The following SEMA3E variants were observed in gnomAD, a reference collection of about 807,000 sequenced individuals.
The protein encoded by SEMA3E is semaphorin-3E.
A neutral mutation model predicts 93.6 loss-of-function variants in SEMA3E; 49 were observed. The observed-to-expected ratio is 0.52, with a 90% CI of 0.42 to 0.66. SEMA3E has a LOEUF of 0.66. SEMA3E is among the 30% of genes least tolerant of loss of function. The pLI is 0.00. For synonymous variants in SEMA3E, 363 were observed against 330.7 expected (o/e 1.10, Z -1.06); for missense variants, 906 against 964.8 (o/e 0.94, Z 0.81).
In SEMA3E at chr7:83,464,903, T is replaced by C. The variant is rs559170516; in HGVS notation, c.456+1579A>G. On this transcript the variant is annotated intron_variant, in intron 4 of 16. Coordinates refer to ENST00000643230, the MANE Select transcript of SEMA3E (RefSeq NM_012431.3). Reference sequence around the variant, plus strand: ...TCGCCGCCCCAACACTTCAACACTATTTTATTTTTCTTATTAATATAAGAA... The same window carrying C: ...TCGCCGCCCCAACACTTCAACACTACTTTATTTTTCTTATTAATATAAGAA... Among the ~76,000 whole-genome samples, 212 of 151,360 alleles carry C rather than the reference T, an allele frequency of 1.4e-3. 1 individual carries two copies. The highest frequency in any genetic ancestry group is 2.5e-3 in the Non-Finnish European group (167 of 67,878).
intron 1 of SEMA3E, among the ~76,000 whole-genome samples, chr7:83,617,464 A>G (rs1230717061): frequency 7.3e-6 from 1 of 136,178 alleles, no homozygotes; most frequent in Non-Finnish European, 1.6e-5. Context: ...TAAATAATAT[A>G]TAATTTTATA....
At chr7:83,544,685 A>G (rs970365103) in intron 1 of SEMA3E, among the ~76,000 whole-genome samples, 2 of 152,140 alleles carry the variant, frequency 1.3e-5, no homozygotes, top group East Asian at 1.9e-4. Flanking sequence ...CCCTAAAGAC[A>G]TGTTGCCTAT....
chr7:83,555,508 T>C (rs1177439591), intron 1 of SEMA3E, among the ~76,000 whole-genome samples: 2 of 152,206 alleles, frequency 1.3e-5, no homozygotes, highest in Admixed American at 6.6e-5. Flanking sequence ...CTACTCTCTA[T>C]GCTATTCATC....
Position 83,449,897 on chromosome 7 carries a change from T to C in SEMA3E, c.456+16585A>G, listed in dbSNP as rs1240338749. Among the ~76,000 whole-genome samples the C allele has an allele frequency of 2.6e-5, 4 of 152,176 alleles. No homozygotes were observed. The East Asian group carries it at 5.8e-4, about 22-fold the overall frequency. On this transcript the variant is annotated intron_variant, in intron 4 of 16. Transcript: ENST00000643230. ...CTGATTATTTTCTGTATGCTGAGTA[T>C]TGAATTGGATATTTTATACTTGCTC...
intron 16 of SEMA3E, among the ~76,000 whole-genome samples, chr7:83,376,500 G>A (rs1380316996): frequency 6.6e-6 from 1 of 151,848 alleles, no homozygotes; most frequent in Non-Finnish European, 1.5e-5. Context: ...TAGAAACTTA[G>A]CACAGAGGCA....
At chr7:83,636,532 G>A (rs1793885583) in intron 1 of SEMA3E, among the ~76,000 whole-genome samples, 1 of 152,072 alleles carries the variant, frequency 6.6e-6, no homozygotes, top group South Asian at 2.1e-4. Flanking sequence ...TAGATTCTAA[G>A]ATTTGAGCAA....
chr7:83,481,023 G>A (rs543480752), intron 2 of SEMA3E, among the ~76,000 whole-genome samples: 16 of 152,080 alleles, frequency 1.1e-4, no homozygotes, highest in Non-Finnish European at 1.9e-4. Flanking sequence ...AAAACTTAAT[G>A]AGGACTCTTT....
chr7:83,403,941 A>G (rs1788278984), intron 9 of SEMA3E, among the ~76,000 whole-genome samples: 1 of 151,946 alleles, frequency 6.6e-6, no homozygotes, highest in African/African-American at 2.4e-5. Flanking sequence ...TAGAAATTAT[A>G]GAAGAAAATA....
intron 1 of SEMA3E, among the ~76,000 whole-genome samples, chr7:83,593,543 G>C (rs116970649): frequency 1.2e-3 from 175 of 152,092 alleles, no homozygotes; most frequent in Non-Finnish European, 2.0e-3. Context: ...AGTAGAGGCT[G>C]AGAAGCAGTG....
rs571585996 is a variant in SEMA3E, at chr7:83,509,141, A to T, written c.116-18867T>A. ...CTATTAAAATTTTGGGACCCCTGGG[A>T]TGTATTATACTTAAACCTTTATTAA... On this transcript the variant is annotated intron_variant, in intron 1 of 16. Coordinates refer to ENST00000643230, the MANE Select transcript of SEMA3E (RefSeq NM_012431.3). 4.6e-5 allele frequency among the ~76,000 whole-genome samples: 7 copies of T among 152,282 alleles called. No homozygotes were observed. In the South Asian group the frequency reaches 1.5e-3, roughly 32 times the overall value.
intron 1 of SEMA3E, among the ~76,000 whole-genome samples, chr7:83,509,113 ACT>A (rs1432661204): frequency 6.6e-6 from 1 of 151,904 alleles, no homozygotes; most frequent in Non-Finnish European, 1.5e-5. Flanking sequence ...CTTTCAAGAG[ACT>A]CTATTAAAAT....
chr7:83,571,921 G>A (rs886889940), intron 1 of SEMA3E, among the ~76,000 whole-genome samples: 1 of 151,920 alleles, frequency 6.6e-6, no homozygotes, highest in Non-Finnish European at 1.5e-5. Context: ...GCATTTTTAT[G>A]CACCAAAAAC....
At chr7:83,562,504 A>AT (rs1023537111) in intron 1 of SEMA3E, among the ~76,000 whole-genome samples, 33 of 149,892 alleles carry the variant, frequency 2.2e-4, no homozygotes, top group African/African-American at 7.9e-4. Flanking sequence ...TTATTTATTT[A>AT]TTTTCAGTTG....
chr7:83,640,395 T>C (rs1275548443), intron 1 of SEMA3E, among the ~76,000 whole-genome samples: 1 of 152,192 alleles, frequency 6.6e-6, no homozygotes, highest in Non-Finnish European at 1.5e-5. Flanking sequence ...ACAGAATACT[T>C]GGCTGGCAGG....
intron 1 of SEMA3E, among the ~76,000 whole-genome samples, chr7:83,585,097 C>T (rs1343600858): frequency 6.6e-6 from 1 of 152,112 alleles, no homozygotes; most frequent in Non-Finnish European, 1.5e-5. Flanking sequence ...TTTGCATGTG[C>T]TGTTCCCTCC....
intron 4 of SEMA3E, among the ~76,000 whole-genome samples, chr7:83,428,180 T>G (rs1473318993): frequency 6.6e-6 from 1 of 152,202 alleles, no homozygotes; most frequent in Non-Finnish European, 1.5e-5. Flanking sequence ...TTTCGACAGG[T>G]GTGAGTCATT....
intron 1 of SEMA3E, among the ~76,000 whole-genome samples, chr7:83,560,098 C>T (rs754864445): frequency 3.3e-5 from 5 of 151,886 alleles, no homozygotes; most frequent in East Asian, 1.9e-4. Flanking sequence ...CAAAAGAGGA[C>T]GTTTAGGGAA....
chr7:83,461,529 A>C (rs761766103), intron 4 of SEMA3E, among the ~76,000 whole-genome samples: 3 of 152,206 alleles, frequency 2.0e-5, no homozygotes, highest in East Asian at 1.9e-4. Context: ...AGGCATAGTC[A>C]AGGTTAATGC....
At chr7:83,399,950 T>C in intron 11 of SEMA3E, 78 bp downstream of exon 11, 1 of 1,150,212 alleles carries the variant, frequency 8.7e-7, no homozygotes. Context: ...TGTCGATAGG[T>C]GCTTTTAGAA....
Sources: gnomAD v4.1 joint callset for allele counts (sites outside exome capture counted in the v4.1 genomes callset) on GRCh38, gnomAD v4.1.1 for gene constraint, MANE v1.5 for transcripts, NCBI Gene and HGNC (gene_info 2026-07-23, HGNC 2026-07-21) for gene names.